Variants in RANBP2 observed in about 807,000 individuals in gnomAD.
RANBP2 encodes RAN binding protein 2, also known as E3 SUMO-protein ligase RanBP2.
RANBP2 carries 57 observed loss-of-function variants against 303.6 expected under a neutral mutation model. The observed-to-expected ratio is 0.19, with a 90% CI of 0.15 to 0.23. RANBP2 has a LOEUF of 0.23. Among genes scored for constraint, RANBP2 ranks in the 10% least tolerant of loss-of-function variants. The pLI is 1.00. For missense variants in RANBP2, 3,138 were observed against 3,780.8 expected (o/e 0.83, Z 4.46); for synonymous variants, 1,167 against 1,301.5 (o/e 0.90, Z 2.23).
the RANBP2 span, among the ~76,000 whole-genome samples, chr2:109,082,772 A>G: frequency 1.3e-5 from 2 of 150,770 alleles, no homozygotes; most frequent in African/African-American, 4.9e-5. Flanking sequence ...CTATGATGGC[A>G]CCTGTAAATA....
the RANBP2 span, among the ~76,000 whole-genome samples, chr2:109,704,526 T>C: frequency 9.1e-3 from 1,378 of 150,864 alleles, 23 homozygotes; most frequent in African/African-American, 0.031. Flanking sequence ...AGAGAGACCC[T>C]GTCTCAAAAA....
At chr2:109,414,642 C>A in the RANBP2 span, among the ~76,000 whole-genome samples, 6 of 152,168 alleles carry the variant, frequency 3.9e-5, no homozygotes, top group Non-Finnish European at 8.8e-5. Context: ...ATCTGCTGCC[C>A]AGGCCAGTCC....
chr2:109,610,284 T>C, the RANBP2 span, among the ~76,000 whole-genome samples: 1 of 152,086 alleles, frequency 6.6e-6, no homozygotes, highest in African/African-American at 2.4e-5. Context: ...GAGATGGGGT[T>C]TTACGGTGTT....
the RANBP2 span, among the ~76,000 whole-genome samples, chr2:108,792,943 AG>A: frequency 6.6e-6 from 1 of 151,374 alleles, no homozygotes; most frequent in Non-Finnish European, 1.5e-5. Context: ...ACGTGCCTGT[AG>A]TCCCAGTTAC....
chr2:109,563,040 A>G, the RANBP2 span, among the ~76,000 whole-genome samples: 29 of 152,044 alleles, frequency 1.9e-4, no homozygotes, highest in East Asian at 5.6e-3. Flanking sequence ...CCTCCTGAGT[A>G]GCTGGTTTTA....
At chr2:109,063,967 G>A in the RANBP2 span, among the ~76,000 whole-genome samples, 3 of 152,136 alleles carry the variant, frequency 2.0e-5, no homozygotes, top group Admixed American at 6.5e-5. Context: ...TAAAATGGCT[G>A]CCACAGGTCC....
the RANBP2 span, among the ~76,000 whole-genome samples, chr2:109,620,699 C>A: frequency 3.2e-4 from 47 of 148,038 alleles, no homozygotes; most frequent in African/African-American, 1.1e-3. Flanking sequence ...GACTCTGTCT[C>A]AAAAAAAAAA....
chr2:109,365,659 G>A, the RANBP2 span, among the ~76,000 whole-genome samples: 17 of 152,154 alleles, frequency 1.1e-4, no homozygotes, highest in South Asian at 8.3e-4. Flanking sequence ...TTACTGTGGC[G>A]GTTGTATTTA....
chr2:108,818,814 T>C, the RANBP2 span, among the ~76,000 whole-genome samples: 1 of 151,388 alleles, frequency 6.6e-6, no homozygotes, highest in Admixed American at 6.6e-5. Flanking sequence ...CTTTGGAAAC[T>C]TCTGACTTTT....
chr2:109,577,792 A>G, the RANBP2 span, among the ~76,000 whole-genome samples: 9 of 150,306 alleles, frequency 6.0e-5, no homozygotes, highest in Admixed American at 1.3e-4. Context: ...GTGTGACTGC[A>G]GTACCAGCTA....
the RANBP2 span, among the ~76,000 whole-genome samples, chr2:109,314,999 T>C: frequency 1.3e-5 from 2 of 152,214 alleles, no homozygotes; most frequent in Non-Finnish European, 2.9e-5. Context: ...AGAGCTGCAC[T>C]GTCCCATAAG....
At chr2:109,174,535 C>T in the RANBP2 span, among the ~76,000 whole-genome samples, 48 of 152,352 alleles carry the variant, frequency 3.2e-4, no homozygotes, top group Admixed American at 6.5e-4. Flanking sequence ...GAATCAAAGC[C>T]TGTGGTCTTT....
At chr2:109,577,529 T>A in the RANBP2 span, among the ~76,000 whole-genome samples, 2 of 150,410 alleles carry the variant, frequency 1.3e-5, no homozygotes, top group Non-Finnish European at 3.0e-5. Context: ...GAGGTGGAGG[T>A]TGCAGTGAGC....
chr2:109,572,094 CAA>C, the RANBP2 span, among the ~76,000 whole-genome samples: 1 of 152,146 alleles, frequency 6.6e-6, no homozygotes. Context: ...CTAATCTTCC[CAA>C]AAGTCTTAGA....
chr2:108,868,411 T>G, the RANBP2 span, among the ~76,000 whole-genome samples: 1 of 152,214 alleles, frequency 6.6e-6, no homozygotes, highest in African/African-American at 2.4e-5. Context: ...ATGTAAAATA[T>G]TGTGACTCAA....
At chr2:108,884,694 T>A in the RANBP2 span, 3 of 152,146 alleles carry the variant, frequency 2.0e-5, no homozygotes, top group Admixed American at 6.5e-5. Flanking sequence ...GCAGGTCCCC[T>A]TTTCGAGATT....
At chr2:109,495,316 G>A in the RANBP2 span, among the ~76,000 whole-genome samples, 39,334 of 151,956 alleles carry the variant, frequency 0.26, 5,471 homozygotes, top group East Asian at 0.52. Context: ...TCTGGTGCAG[G>A]GCCAGGCAAG....
the RANBP2 span, among the ~76,000 whole-genome samples, chr2:109,279,114 A>T: frequency 6.6e-6 from 1 of 152,216 alleles, no homozygotes; most frequent in Non-Finnish European, 1.5e-5. Flanking sequence ...AAATCCACGT[A>T]TCACCTGGAA....
chr2:108,832,307 G>A, the RANBP2 span, among the ~76,000 whole-genome samples: 1 of 150,142 alleles, frequency 6.7e-6, no homozygotes, highest in South Asian at 2.1e-4. Context: ...GATTACAGGC[G>A]TGACCCACCA....
Sources: gnomAD v4.1 joint callset for allele counts (sites outside exome capture counted in the v4.1 genomes callset) on GRCh38, gnomAD v4.1.1 for gene constraint, MANE v1.5 for transcripts, NCBI Gene and HGNC (gene_info 2026-07-23, HGNC 2026-07-21) for gene names.